Variants in FARS2 observed in about 807,000 individuals in gnomAD.
FARS2 encodes the protein phenylalanine--tRNA ligase, mitochondrial.
In FARS2, 40 loss-of-function variants were observed where a neutral mutation model predicts 46.4. The observed-to-expected ratio is 0.86, with a 90% CI of 0.67 to 1.12. FARS2 has a LOEUF of 1.12. FARS2 is among the 50% of genes most tolerant of loss of function. FARS2 has a pLI of 0.00. For synonymous variants in FARS2, 234 were observed against 214.9 expected (o/e 1.09, Z -0.78); for missense variants, 513 against 567.9 (o/e 0.90, Z 0.98).
At chr6:5,535,896 G>A (rs1582383774) in intron 4 of FARS2, among the ~76,000 whole-genome samples, 1 of 152,024 alleles carries the variant, frequency 6.6e-6, no homozygotes, top group African/African-American at 2.4e-5. Context: ...ATTTGATCAT[G>A]GTATATGATC....
intron 6 of FARS2, among the ~76,000 whole-genome samples, chr6:5,735,829 G>C (rs1284137066): frequency 6.6e-6 from 1 of 152,148 alleles, no homozygotes; most frequent in African/African-American, 2.4e-5. Flanking sequence ...CTGTGGCACC[G>C]TGCTTTGTGA....
At chr6:5,427,049 T>C (rs1308385854) in intron 3 of FARS2, among the ~76,000 whole-genome samples, 1 of 152,238 alleles carries the variant, frequency 6.6e-6, no homozygotes, top group Non-Finnish European at 1.5e-5. Flanking sequence ...AGACACAGTG[T>C]ACTCAAAAAT....
At chr6:5,410,626 C>CCATATT (rs1304119133) in intron 3 of FARS2, among the ~76,000 whole-genome samples, 8 of 152,014 alleles carry the variant, frequency 5.3e-5, no homozygotes, top group African/African-American at 1.9e-4. Context: ...TTAATAATAG[C>CCATATT]AATAATAATG....
At chr6:5,560,683 A>T (rs1771933431) in intron 5 of FARS2, among the ~76,000 whole-genome samples, 1 of 152,166 alleles carries the variant, frequency 6.6e-6, no homozygotes, top group South Asian at 2.1e-4. Context: ...TAGTGAAGTC[A>T]CTTGGGGCTG....
chr6:5,273,592 A>T (rs942512931), intron 1 of FARS2, among the ~76,000 whole-genome samples: 7 of 152,090 alleles, frequency 4.6e-5, no homozygotes, highest in Non-Finnish European at 8.8e-5. Flanking sequence ...GTTTGCAAAT[A>T]CTTTTTCCTA....
intron 4 of FARS2, among the ~76,000 whole-genome samples, chr6:5,441,789 G>A (rs1763856688): frequency 6.6e-6 from 1 of 152,224 alleles, no homozygotes; most frequent in Non-Finnish European, 1.5e-5. Flanking sequence ...CTAAAAGTCA[G>A]CACTTACGAG....
rs141568455 is a variant in FARS2 at position 5,369,079 on chromosome 6, C to G, written c.509C>G (p.Ala170Gly). The change falls in exon 2 of 7, where the codon GCC becomes GGC. Residue 170 changes from alanine to glycine, a missense_variant. By Grantham distance (60) the Ala-to-Gly change is moderately conservative. Transcript: ENST00000274680. ...GACTTGCTGCACGCGGGACTGGATG[C>G]CTTCCTGGTGGTGGGTGATGTCTAC... ...QWDLLHAGLD[A>G]FLVVGDVYRR... The G allele has an allele frequency of 2.7e-4, 434 of 1,613,856 alleles. No individual in the cohort carries two copies. The highest frequency in any genetic ancestry group is 2.7e-4 in the Non-Finnish European group (319 of 1,180,018).
In FARS2 at chr6:5,663,232, C is replaced by A. The variant is rs115846752; in HGVS notation, c.1217+49912C>A. Among the ~76,000 whole-genome samples, 698 of 152,238 alleles carry A rather than the reference C, an allele frequency of 4.6e-3. 9 individuals are homozygous for A. The highest frequency in any genetic ancestry group is 0.016 in the African/African-American group (660 of 41,542). ...CCACTCCCTTTGCATTAAAAACAAG[C>A]CCCCCTGGCTACTGAATGGCTCTTC... is the stretch of plus-strand genomic sequence containing the variant. On this transcript the variant is annotated intron_variant, in intron 6 of 6. Transcript: ENST00000274680.
chr6:5,289,471 T>C (rs912997711), intron 1 of FARS2, among the ~76,000 whole-genome samples: 3 of 152,158 alleles, frequency 2.0e-5, no homozygotes, highest in Non-Finnish European at 1.5e-5. Context: ...TTTTCTGGGG[T>C]TTAAATACCC....
At chr6:5,578,042 C>G (rs1312440426) in intron 5 of FARS2, among the ~76,000 whole-genome samples, 2 of 152,150 alleles carry the variant, frequency 1.3e-5, no homozygotes, top group African/African-American at 2.4e-5. Context: ...ACCTCGTGAT[C>G]CGCCCATCTC....
intron 4 of FARS2, among the ~76,000 whole-genome samples, chr6:5,442,960 T>C (rs1763925308): frequency 6.6e-6 from 1 of 152,210 alleles, no homozygotes; most frequent in South Asian, 2.1e-4. Context: ...TTGCAACTGT[T>C]GTGTTAGGTG....
At chr6:5,732,779 C>T (rs1167345138) in intron 6 of FARS2, among the ~76,000 whole-genome samples, 1 of 151,490 alleles carries the variant, frequency 6.6e-6, no homozygotes, top group Non-Finnish European at 1.5e-5. Flanking sequence ...TTCTTTTTTC[C>T]ACCAGAGATA....
chr6:5,721,531 A>G (rs1313221466), intron 6 of FARS2, among the ~76,000 whole-genome samples: 4 of 151,118 alleles, frequency 2.6e-5, no homozygotes, highest in African/African-American at 9.7e-5. Flanking sequence ...TCACTCTTTC[A>G]TGATTGTGTG....
At chr6:5,260,539 C>A, upstream of FARS2, 1 of 1,436,906 alleles carries the variant, frequency 7.0e-7, no homozygotes, top group Non-Finnish European at 9.3e-7. Flanking sequence ...TCGCAGCCGC[C>A]GGCAAACCAC....
chr6:5,421,933 C>T (rs1053763623), intron 3 of FARS2, among the ~76,000 whole-genome samples: 1 of 152,220 alleles, frequency 6.6e-6, no homozygotes, highest in Non-Finnish European at 1.5e-5. Flanking sequence ...TTCAAAGTCA[C>T]TTCCACATTT....
chr6:5,358,230 G>C (rs762785553), intron 1 of FARS2, among the ~76,000 whole-genome samples: 62 of 152,100 alleles, frequency 4.1e-4, no homozygotes, highest in Admixed American at 1.0e-3. Flanking sequence ...TATTCTGCTT[G>C]CTAAATTGTT....
At chr6:5,351,833 T>C (rs1757595309) in intron 1 of FARS2, among the ~76,000 whole-genome samples, 1 of 152,256 alleles carries the variant, frequency 6.6e-6, no homozygotes, top group Admixed American at 6.5e-5. Flanking sequence ...CATACTTTAT[T>C]GCAGAAGCCC....
intron 5 of FARS2, among the ~76,000 whole-genome samples, chr6:5,577,324 A>G (rs1773043595): frequency 6.7e-6 from 1 of 148,670 alleles, no homozygotes; most frequent in Non-Finnish European, 1.5e-5. Context: ...ATATAAACTC[A>G]TGGTTTTTTA....
intron 1 of FARS2, among the ~76,000 whole-genome samples, chr6:5,280,262 G>A (rs190962020): frequency 1.3e-5 from 2 of 152,326 alleles, no homozygotes; most frequent in East Asian, 3.9e-4. Context: ...ATAGTGGCAT[G>A]GAAGAACACA....
Sources: allele counts gnomAD v4.1 joint callset (sites outside exome capture counted in the v4.1 genomes callset), GRCh38; gene constraint gnomAD v4.1.1; transcripts MANE v1.5; gene names NCBI Gene and HGNC (gene_info 2026-07-23, HGNC 2026-07-21).